OTOGL: variants seen among roughly 807,000 people sequenced by gnomAD.
The protein encoded by OTOGL is otogelin-like protein.
OTOGL carries 285 observed loss-of-function variants against 318.5 expected under a neutral mutation model. That is an observed-to-expected ratio of 0.89 (90% CI 0.81 to 0.99). OTOGL has a LOEUF of 0.99. OTOGL is among the 50% of genes least tolerant of loss of function. OTOGL has a pLI of 0.00. For missense variants in OTOGL, 2,899 were observed against 2,845.6 expected, an observed-to-expected ratio of 1.02 and a Z score of -0.43; for synonymous variants, 987 against 936.5, an observed-to-expected ratio of 1.05 and a Z score of -0.99.
At chr12:80,314,166 G>A (rs1886825916) in intron 31 of OTOGL, 139 bp from the exon 32 acceptor site, 2 of 298,624 alleles carry the variant, frequency 6.7e-6, no homozygotes, top group Non-Finnish European at 1.3e-5. Flanking sequence ...AATCTTCTTT[G>A]CTCAGAAAAA....
chr12:80,199,604 A>T (rs1373747306), intron 1 of OTOGL, among the ~76,000 whole-genome samples: 2 of 152,226 alleles, frequency 1.3e-5, no homozygotes, highest in Non-Finnish European at 2.9e-5. Flanking sequence ...AATTCATACC[A>T]TCTAATGTAT....
At chr12:80,106,387 T>C (rs1288680000) in intron 1 of OTOGL, among the ~76,000 whole-genome samples, 1 of 152,222 alleles carries the variant, frequency 6.6e-6, no homozygotes, top group Non-Finnish European at 1.5e-5. Context: ...TTTAGGGTTA[T>C]TTCTCAATGG....
intron 1 of OTOGL, among the ~76,000 whole-genome samples, chr12:80,100,526 G>A (rs2137062228): frequency 6.6e-6 from 1 of 152,096 alleles, no homozygotes; most frequent in South Asian, 2.1e-4. Flanking sequence ...TATTAATAGT[G>A]GAGGCTCATA....
intron 32 of OTOGL, 60 bp downstream of exon 32, chr12:80,314,391 TA>T: frequency 1.4e-6 from 1 of 717,060 alleles, no homozygotes; most frequent in Non-Finnish European, 1.9e-6. Flanking sequence ...ATTTTCATAT[TA>T]AAAATTTTTG....
chr12:80,259,924 C>G (rs558148754), intron 18 of OTOGL, among the ~76,000 whole-genome samples: 1 of 152,140 alleles, frequency 6.6e-6, no homozygotes, highest in South Asian at 2.1e-4. Flanking sequence ...ATTGTTCACC[C>G]CAATTCAGAC....
intron 11 of OTOGL, among the ~76,000 whole-genome samples, chr12:80,249,241 C>G (rs1297001750): frequency 1.3e-5 from 2 of 150,204 alleles, no homozygotes; most frequent in Non-Finnish European, 2.9e-5. Flanking sequence ...GAGAGGCGCT[C>G]TGCGTTTTAG....
intron 19 of OTOGL, among the ~76,000 whole-genome samples, chr12:80,264,092 T>A (rs1484605740): frequency 3.9e-5 from 6 of 152,086 alleles, no homozygotes; most frequent in African/African-American, 1.4e-4. Context: ...AAAAAACTGA[T>A]CTCCAACAGC....
At chr12:80,183,844 G>C (rs1423683675) in intron 1 of OTOGL, among the ~76,000 whole-genome samples, 1 of 152,180 alleles carries the variant, frequency 6.6e-6, no homozygotes, top group African/African-American at 2.4e-5. Flanking sequence ...CCATAGGAGT[G>C]TTTCTCAAAT....
chr12:80,206,653 G>A (rs935788291), intron 1 of OTOGL, among the ~76,000 whole-genome samples: 2 of 151,798 alleles, frequency 1.3e-5, no homozygotes, highest in African/African-American at 4.8e-5. Flanking sequence ...GGGACTACAG[G>A]AGCATGCTAC....
intron 29 of OTOGL, among the ~76,000 whole-genome samples, chr12:80,307,329 T>C (rs1363956620): frequency 6.0e-5 from 9 of 150,136 alleles, no homozygotes; most frequent in South Asian, 2.1e-4. Context: ...TGGGTACACC[T>C]CCCAGACGGG....
At chr12:80,201,384 G>A (rs1876443656) in intron 1 of OTOGL, among the ~76,000 whole-genome samples, 1 of 152,146 alleles carries the variant, frequency 6.6e-6, no homozygotes. Context: ...GGGGGAGCAG[G>A]ACTGTCACAT....
chr12:80,170,367 C>T (rs1874123976), intron 1 of OTOGL, among the ~76,000 whole-genome samples: 1 of 151,914 alleles, frequency 6.6e-6, no homozygotes, highest in South Asian at 2.1e-4. Context: ...TGATTATGTG[C>T]CATTGGTATA....
chr12:80,261,290 G>A (rs1882504025), intron 18 of OTOGL, among the ~76,000 whole-genome samples: 2 of 152,078 alleles, frequency 1.3e-5, no homozygotes, highest in African/African-American at 2.4e-5. Flanking sequence ...TTGTCCAATA[G>A]GGGTTGTCAC....
intron 43 of OTOGL, 105 bp from the exon 44 acceptor site, chr12:80,341,843 A>G (rs919190450): frequency 1.4e-5 from 11 of 770,466 alleles, no homozygotes; most frequent in Middle Eastern, 3.8e-4. Flanking sequence ...GGTACCTTAT[A>G]TGGTAAATCA....
At chr12:80,130,648 G>T (rs945277523) in intron 1 of OTOGL, among the ~76,000 whole-genome samples, 1 of 152,190 alleles carries the variant, frequency 6.6e-6, no homozygotes, top group Non-Finnish European at 1.5e-5. Flanking sequence ...TATATGCTGT[G>T]ATTTTTGCCT....
In OTOGL at chr12:80,317,890, A is replaced by G. The variant is rs115067482; in HGVS notation, c.3635-656A>G. 5.5e-3 allele frequency among the ~76,000 whole-genome samples: 835 copies of G among 152,240 alleles called. 6 individuals are homozygous for G. Among genetic ancestry groups the G allele is most frequent in the African/African-American group, 0.019 (803 of 41,562 alleles). On this transcript the variant is annotated intron_variant, in intron 32 of 58. Coordinates refer to ENST00000547103, the MANE Select transcript of OTOGL (RefSeq NM_001378609.3). ...CTTGATGTGGGGGCAAAGCTGTTTCAGGTTTCTATCTCTCTACAGGGTACC... is the reference window on the plus strand; with the variant it reads ...CTTGATGTGGGGGCAAAGCTGTTTCGGGTTTCTATCTCTCTACAGGGTACC...
chr12:80,271,556 T>G, intron 23 of OTOGL, 92 bp from the exon 24 acceptor site: 1 of 1,266,184 alleles, frequency 7.9e-7, no homozygotes, highest in Non-Finnish European at 1.1e-6. Context: ...CAAAATAGGT[T>G]TAGAATAAAC....
intron 4 of OTOGL, among the ~76,000 whole-genome samples, chr12:80,214,803 C>T (rs528444649): frequency 6.6e-6 from 1 of 152,084 alleles, no homozygotes; most frequent in Admixed American, 6.5e-5. Flanking sequence ...TCATTGAATC[C>T]AAGACAACCT....
chr12:80,185,771 G>A (rs969505127), intron 1 of OTOGL, among the ~76,000 whole-genome samples: 24 of 152,156 alleles, frequency 1.6e-4, no homozygotes, highest in Non-Finnish European at 1.0e-4. Flanking sequence ...TTTTACACAT[G>A]GGTCCTATGT....
Sources: gnomAD v4.1 joint callset for allele counts (sites outside exome capture counted in the v4.1 genomes callset) on GRCh38, gnomAD v4.1.1 for gene constraint, MANE v1.5 for transcripts, NCBI Gene and HGNC (gene_info 2026-07-23, HGNC 2026-07-21) for gene names.